Variants in ADCY2 observed in about 807,000 individuals in gnomAD.
ADCY2 encodes adenylate cyclase type 2.
Under a neutral mutation model 125.2 loss-of-function variants are expected in ADCY2, and 31 were observed. That is an observed-to-expected ratio of 0.25 (90% CI 0.19 to 0.33). The LOEUF (loss-of-function observed/expected upper bound fraction) is 0.33. Among genes scored for constraint, ADCY2 ranks in the 10% least tolerant of loss-of-function variants. ADCY2 has a pLI of 1.00. For missense variants in ADCY2, 904 were observed against 1,418.2 expected (o/e 0.64, Z 5.82); for synonymous variants, 512 against 548.4 (o/e 0.93, Z 0.93).
At chr5:7,647,105 T>G (rs1738926273) in intron 4 of ADCY2, among the ~76,000 whole-genome samples, 1 of 152,202 alleles carries the variant, frequency 6.6e-6, no homozygotes, top group Non-Finnish European at 1.5e-5. Flanking sequence ...GCAGACTCTT[T>G]CCTTGTCCTT....
chr5:7,419,284 C>T (rs573683636), intron 2 of ADCY2, among the ~76,000 whole-genome samples: 2 of 152,040 alleles, frequency 1.3e-5, no homozygotes, highest in African/African-American at 2.4e-5. Flanking sequence ...TTGTGACAGC[C>T]GTTATCGCTG....
chr5:7,626,366 T>A (rs768172555), intron 4 of ADCY2, 50 bp downstream of exon 4: 3 of 1,587,406 alleles, frequency 1.9e-6, no homozygotes, highest in Non-Finnish European at 1.7e-6. Flanking sequence ...ATTATTAAAA[T>A]GATGCTGTTA....
chr5:7,774,749 A>G (rs1220806723), intron 18 of ADCY2, among the ~76,000 whole-genome samples: 4 of 152,178 alleles, frequency 2.6e-5, no homozygotes, highest in Non-Finnish European at 5.9e-5. Flanking sequence ...GAAGCTAGGG[A>G]GACTGACTTG....
chr5:7,534,646 C>G (rs34928910), intron 3 of ADCY2, among the ~76,000 whole-genome samples: 16,093 of 152,258 alleles, frequency 0.11, 1,080 homozygotes, highest in East Asian at 0.27. Flanking sequence ...GTTTTAAGGA[C>G]TCATGCAGCT....
intron 18 of ADCY2, among the ~76,000 whole-genome samples, chr5:7,781,762 T>C (rs779356163): frequency 6.6e-6 from 1 of 152,182 alleles, no homozygotes; most frequent in Non-Finnish European, 1.5e-5. Flanking sequence ...GCCAGAAAGA[T>C]GTCCTGGGAT....
At chr5:7,725,573 A>G (rs1741906395) in intron 13 of ADCY2, among the ~76,000 whole-genome samples, 2 of 152,190 alleles carry the variant, frequency 1.3e-5, no homozygotes. Context: ...ATAATGCACA[A>G]CTATTGACCA....
In ADCY2 at chr5:7,423,862, G is replaced by A. The variant is rs969468437; in HGVS notation, c.408+9092G>A. Among the ~76,000 whole-genome samples, 3 of 152,082 alleles carry A rather than the reference G, an allele frequency of 2.0e-5. No individual in the cohort carries two copies. The East Asian group carries it at 5.8e-4, about 29-fold the overall frequency. On this transcript the variant is annotated intron_variant, in intron 2 of 24. Transcript: ENST00000338316. ...TTTTCTTAAGAGGAGCATGGGCTCC[G>A]GTACTGAAAATTGGCATCATGACTA...
At chr5:7,722,960 C>CAAAAAAAAAAAAAAAAAAAAAA (rs60426818) in intron 12 of ADCY2, among the ~76,000 whole-genome samples, 11 of 51,668 alleles carry the variant, frequency 2.1e-4, no homozygotes, top group African/African-American at 3.8e-4. Flanking sequence ...AACTCCATCT[C>CAAAAAAAAAAAAAAAAAAAAAA]AAAAAAAAAA....
intron 3 of ADCY2, among the ~76,000 whole-genome samples, chr5:7,589,256 G>A (rs978917378): frequency 2.0e-5 from 3 of 151,536 alleles, no homozygotes; most frequent in Admixed American, 2.0e-4. Context: ...AAAAGGCTAG[G>A]GAAAACAGAT....
At chr5:7,554,613 T>A (rs1397286091) in intron 3 of ADCY2, among the ~76,000 whole-genome samples, 1 of 152,164 alleles carries the variant, frequency 6.6e-6, no homozygotes, top group Non-Finnish European at 1.5e-5. Flanking sequence ...AGCATGTCTG[T>A]TCAGTGGCCA....
chr5:7,682,559 C>T (rs995625404), intron 4 of ADCY2, among the ~76,000 whole-genome samples: 48 of 152,314 alleles, frequency 3.2e-4, no homozygotes, highest in African/African-American at 1.1e-3. Flanking sequence ...GTCATCCAAG[C>T]TCTGTTTCTC....
At chr5:7,417,445 A>G (rs1739998223) in intron 2 of ADCY2, among the ~76,000 whole-genome samples, 1 of 151,948 alleles carries the variant, frequency 6.6e-6, no homozygotes, top group East Asian at 1.9e-4. Flanking sequence ...CCTTATTCTG[A>G]TGTAGTATTT....
intron 3 of ADCY2, among the ~76,000 whole-genome samples, chr5:7,618,429 A>T (rs1390210156): frequency 3.3e-5 from 5 of 152,134 alleles, no homozygotes; most frequent in Admixed American, 6.5e-5. Context: ...TACCCACAAA[A>T]CACATTTTCT....
rs189953284 is a variant in ADCY2 at position 7,807,590 on chromosome 5, C to T, written c.2883+2898C>T. 7.9e-5 allele frequency among the ~76,000 whole-genome samples: 12 copies of T among 152,310 alleles called. 1 individual carries two copies. Among genetic ancestry groups the T allele is most frequent in the African/African-American group, 2.6e-4 (11 of 41,556 alleles). On this transcript the variant is annotated intron_variant, in intron 22 of 24. Transcript: ENST00000338316. ...CATTGTAATATTCTTTCCCCAACCC[C>T]TCTTCTCTATCAGGGACCTCTCCTA...
chr5:7,541,287 G>A (rs1734985090), intron 3 of ADCY2, among the ~76,000 whole-genome samples: 1 of 152,222 alleles, frequency 6.6e-6, no homozygotes, highest in Non-Finnish European at 1.5e-5. Context: ...CTGACTGGCA[G>A]CATGAGAAGT....
Position 7,789,591 on chromosome 5 carries a change from G to T in ADCY2, c.2470-51G>T, listed in dbSNP as rs750687897. 8 of 1,548,490 alleles carry T rather than the reference G, an allele frequency of 5.2e-6. No homozygotes were observed. The Admixed American group carries it at 1.2e-4, about 22-fold the overall frequency. On this transcript the variant is annotated intron_variant, in intron 19 of 24. Transcript: ENST00000338316. ...TTTCTCTTTAAAACCTCCACTCTCTGGCAGGACAAGATGCCTATTGTTTCT... is the reference window on the plus strand; with the variant it reads ...TTTCTCTTTAAAACCTCCACTCTCTTGCAGGACAAGATGCCTATTGTTTCT...
intron 12 of ADCY2, among the ~76,000 whole-genome samples, chr5:7,722,874 C>T (rs757671673): frequency 1.4e-4 from 21 of 145,200 alleles, no homozygotes; most frequent in Non-Finnish European, 1.8e-4. Context: ...ACAGGAGAAT[C>T]GCTTGAACCC....
At chr5:7,804,040 A>AGAGAGAGAGAGAG (rs1744682437) in intron 21 of ADCY2, among the ~76,000 whole-genome samples, 9 of 106,616 alleles carry the variant, frequency 8.4e-5, no homozygotes, top group African/African-American at 3.3e-4. Context: ...GGAGGGGGGA[A>AGAGAGAGAGAGAG]AGAGAGAGAG....
intron 2 of ADCY2, among the ~76,000 whole-genome samples, chr5:7,497,144 A>G (rs950193619): frequency 1.3e-5 from 2 of 152,302 alleles, no homozygotes. Context: ...CAAATTTCCC[A>G]TCTTTAATCT....
Sources: gnomAD v4.1 joint callset for allele counts (sites outside exome capture counted in the v4.1 genomes callset) on GRCh38, gnomAD v4.1.1 for gene constraint, MANE v1.5 for transcripts, NCBI Gene and HGNC (gene_info 2026-07-23, HGNC 2026-07-21) for gene names.